Variants in NRXN3 observed in about 807,000 individuals in gnomAD.
NRXN3 encodes neurexin III.
NRXN3 carries 32 observed loss-of-function variants against 137.6 expected under a neutral mutation model. The ratio of observed to expected loss-of-function variants is 0.23; its 90% CI spans 0.18 to 0.31. The LOEUF (loss-of-function observed/expected upper bound fraction) is 0.31, where lower values mean the gene tolerates loss of function less well. NRXN3 is among the 10% of genes least tolerant of loss of function. The pLI is 1.00. For missense variants in NRXN3, 1,574 were observed against 2,062.5 expected (o/e 0.76, Z 4.59); for synonymous variants, 798 against 784.5 (o/e 1.02, Z -0.29).
At chr14:79,541,280 G>A (rs1264463411) in intron 16 of NRXN3, among the ~76,000 whole-genome samples, 2 of 152,120 alleles carry the variant, frequency 1.3e-5, no homozygotes, top group East Asian at 3.9e-4. Context: ...GCGCATGCCT[G>A]TAATCCCAAC....
intron 15 of NRXN3, among the ~76,000 whole-genome samples, chr14:79,371,391 T>C (rs529375902): frequency 3.3e-5 from 5 of 152,170 alleles, no homozygotes. Flanking sequence ...TAGGAATAGA[T>C]ACTTGCATAT....
chr14:78,537,601 CTGTT>C (rs1478327956), intron 4 of NRXN3, among the ~76,000 whole-genome samples: 1 of 152,174 alleles, frequency 6.6e-6, no homozygotes, highest in African/African-American at 2.4e-5. Context: ...CATGCAGAAA[CTGTT>C]TGGTTTAATT....
In NRXN3 at chr14:78,645,323, C is replaced by T. The variant is rs771437606; in HGVS notation, c.961C>T (p.Leu321=). The T allele has an allele frequency of 8.8e-6, 14 of 1,598,750 alleles. No homozygotes were observed. Among genetic ancestry groups the T allele is most frequent in the Middle Eastern group, 1.6e-4 (1 of 6,082 alleles). ...TGGTGCGGTCTCCTTGGTCATTAAC[C>T]TGGGGTCCGGGGCCTTTGAGGCCAT... ...KDGAVSLVIN[L]GSGAFEAIVE... is the part of the protein sequence containing the mutation. The change falls in exon 5 of 21, where the codon CTG becomes TTG. Residue 321 remains leucine (L), a synonymous_variant. Transcript: ENST00000335750.
At chr14:79,791,885 C>T (rs953799680) in intron 19 of NRXN3, among the ~76,000 whole-genome samples, 3 of 152,160 alleles carry the variant, frequency 2.0e-5, no homozygotes, top group African/African-American at 4.8e-5. Context: ...TGCCAGCTCT[C>T]GCAAGGAGGA....
intron 19 of NRXN3, among the ~76,000 whole-genome samples, chr14:79,701,196 TG>T (rs1206310427): frequency 2.0e-5 from 3 of 152,096 alleles, no homozygotes; most frequent in African/African-American, 7.2e-5. Context: ...CTAGATTAGC[TG>T]GGTTTAAAAC....
At chr14:78,456,847 TTCTTTCTTTTTC>T (rs2094736325) in intron 4 of NRXN3, among the ~76,000 whole-genome samples, 1 of 133,678 alleles carries the variant, frequency 7.5e-6, no homozygotes, top group South Asian at 2.5e-4. Flanking sequence ...CTTTCTTTCT[TTCTTTCTTTTTC>T]TCTTTCTTTC....
intron 15 of NRXN3, among the ~76,000 whole-genome samples, chr14:79,396,434 G>T (rs927810428): frequency 6.6e-6 from 1 of 152,112 alleles, no homozygotes; most frequent in African/African-American, 2.4e-5. Context: ...AGAACCACTT[G>T]CAGAGCTTTT....
intron 4 of NRXN3, among the ~76,000 whole-genome samples, chr14:78,516,411 A>C (rs1188463722): frequency 7.4e-5 from 8 of 108,584 alleles, no homozygotes; most frequent in Non-Finnish European, 1.5e-4. Context: ...GGCTGTGGAG[A>C]GTATAGATGA....
intron 19 of NRXN3, among the ~76,000 whole-genome samples, chr14:79,709,237 C>T (rs1337847949): frequency 1.3e-5 from 2 of 152,130 alleles, no homozygotes; most frequent in Non-Finnish European, 2.9e-5. Context: ...TTTACGGTTC[C>T]TTGCTGAGTA....
chr14:78,943,571 G>A (rs768982042), intron 10 of NRXN3, among the ~76,000 whole-genome samples: 12 of 126,446 alleles, frequency 9.5e-5, no homozygotes, highest in Non-Finnish European at 1.5e-4. Flanking sequence ...AAGCTAACAG[G>A]AAAAGTCTGA....
intron 1 of NRXN3, among the ~76,000 whole-genome samples, chr14:78,215,723 G>A (rs1245054112): frequency 7.2e-6 from 1 of 139,166 alleles, no homozygotes; most frequent in Non-Finnish European, 1.5e-5. Context: ...TGTTGGTGCT[G>A]GGAAGTTTCG....
Position 79,867,992 on chromosome 14 carries a change from G to A in NRXN3, c.*6028G>A, listed in dbSNP as rs541384105. On this transcript the variant is annotated 3_prime_UTR_variant, in exon 21 of 21. Transcript: ENST00000335750. The stretch of plus-strand genomic sequence containing the variant: ...TTTTTTAATGATTACATGGGTTCTA[G>A]AGTCAAAATGCCATGGCTCATCTGG... 6.6e-6 allele frequency: 1 copy of A among 151,894 alleles called. No individual in the cohort carries two copies. Among genetic ancestry groups the A allele is most frequent in the African/African-American group, 2.4e-5 (1 of 41,392 alleles). 9.4% of individuals were successfully genotyped at this position (151,894 alleles called of 1,614,324 possible).
chr14:78,480,288 C>T (rs1458505703), intron 4 of NRXN3, among the ~76,000 whole-genome samples: 6 of 152,182 alleles, frequency 3.9e-5, no homozygotes, highest in African/African-American at 1.2e-4. Context: ...TTCAAAACCA[C>T]ACTTGGCACA....
chr14:79,029,575 C>G (rs1157178469), intron 15 of NRXN3, among the ~76,000 whole-genome samples: 2 of 152,076 alleles, frequency 1.3e-5, no homozygotes, highest in African/African-American at 4.8e-5. Flanking sequence ...TTCTCAATAG[C>G]CATGCCAATG....
At chr14:78,405,001 A>G (rs999418083) in intron 4 of NRXN3, among the ~76,000 whole-genome samples, 5 of 152,242 alleles carry the variant, frequency 3.3e-5, no homozygotes, top group Non-Finnish European at 7.3e-5. Context: ...AAGTTTAATG[A>G]AAATTAACAT....
At chr14:79,647,922 T>TATAGGAAG (rs1475661331) in intron 16 of NRXN3, among the ~76,000 whole-genome samples, 1 of 134,888 alleles carries the variant, frequency 7.4e-6, no homozygotes, top group Non-Finnish European at 1.7e-5. Context: ...GTCAAAAACA[T>TATAGGAAG]ATAGGAAGTG....
chr14:78,508,893 G>A (rs2153787048), intron 4 of NRXN3, among the ~76,000 whole-genome samples: 1 of 152,234 alleles, frequency 6.6e-6, no homozygotes, highest in South Asian at 2.1e-4. Context: ...TCAACTACGA[G>A]GTTGTCAGAC....
At chr14:78,701,514 G>T (rs2098279027) in intron 6 of NRXN3, among the ~76,000 whole-genome samples, 1 of 152,134 alleles carries the variant, frequency 6.6e-6, no homozygotes, top group Admixed American at 6.5e-5. Flanking sequence ...ATGAGGTATG[G>T]TCTAAGGATT....
At chr14:78,927,936 C>T (rs571760770) in intron 10 of NRXN3, among the ~76,000 whole-genome samples, 1 of 152,210 alleles carries the variant, frequency 6.6e-6, no homozygotes, top group South Asian at 2.1e-4. Context: ...CTGAGGGAGT[C>T]CTCTGCCTGG....
Sources: gnomAD v4.1 joint callset for allele counts (sites outside exome capture counted in the v4.1 genomes callset) on GRCh38, gnomAD v4.1.1 for gene constraint, MANE v1.5 for transcripts, NCBI Gene and HGNC (gene_info 2026-07-23, HGNC 2026-07-21) for gene names.